Variants in INTS6 observed in about 807,000 individuals in gnomAD.
The protein encoded by INTS6 is integrator complex subunit 6, also known as DEAD box protein.
A neutral mutation model predicts 104.9 loss-of-function variants in INTS6; 16 were observed. The ratio of observed to expected loss-of-function variants is 0.15; its 90% confidence interval spans 0.10 to 0.23. INTS6 has a LOEUF of 0.23. Among genes scored for constraint, INTS6 ranks in the 10% least tolerant of loss-of-function variants. INTS6 has a pLI of 1.00. For synonymous variants in INTS6, 324 were observed against 358.7 expected (o/e 0.90, Z 1.09); for missense variants, 584 against 1,062.8 (o/e 0.55, Z 6.26).
chr13:51,444,284 T>A (rs983886833), intron 3 of INTS6: 4 of 118,872 alleles, frequency 3.4e-5, no homozygotes, highest in African/African-American at 1.4e-4. Flanking sequence ...TTTTTTTTTT[T>A]AGTAGAGATG....
intron 4 of INTS6, among the ~76,000 whole-genome samples, chr13:51,415,190 T>TA (rs1956765630): frequency 6.6e-6 from 1 of 152,170 alleles, no homozygotes; most frequent in African/African-American, 2.4e-5. Context: ...AAAAATTCTT[T>TA]AAAAATCTCT....
At chr13:51,350,959 T>C (rs563142925), downstream of INTS6, among the ~76,000 whole-genome samples, 11 of 152,314 alleles carry the variant, frequency 7.2e-5, no homozygotes, top group Non-Finnish European at 1.6e-4. Flanking sequence ...AGGTTCATAG[T>C]AGCATGAATC....
chr13:51,436,090 T>C (rs1270233081), intron 3 of INTS6, among the ~76,000 whole-genome samples: 1 of 152,082 alleles, frequency 6.6e-6, no homozygotes, highest in Non-Finnish European at 1.5e-5. Context: ...TCTTAAGACA[T>C]TAACCCTTGT....
At chr13:51,341,430 C>T in the INTS6 span, 3 of 1,271,952 alleles carry the variant, frequency 2.4e-6, no homozygotes, top group Non-Finnish European at 2.2e-6. Context: ...TGCTCACACT[C>T]ACACTCACTC....
chr13:51,435,556 T>C (rs886303593), intron 3 of INTS6, among the ~76,000 whole-genome samples: 13 of 152,040 alleles, frequency 8.6e-5, no homozygotes, highest in African/African-American at 2.9e-4. Context: ...TTATCTATTA[T>C]AACCTATGTT....
chr13:51,376,334 T>A (rs1955930655), intron 12 of INTS6, among the ~76,000 whole-genome samples, 160 bp from the exon 13 acceptor site: 1 of 152,166 alleles, frequency 6.6e-6, no homozygotes, highest in Non-Finnish European at 1.5e-5. Context: ...ATGTACCGGT[T>A]CAGGGCCAAA....
intron 3 of INTS6, among the ~76,000 whole-genome samples, chr13:51,436,134 G>A (rs986981120): frequency 2.0e-5 from 3 of 152,020 alleles, no homozygotes; most frequent in Admixed American, 2.0e-4. Context: ...GATCTCTGAA[G>A]GATACGTTAG....
Position 51,389,450 on chromosome 13 carries a change from AT to A in INTS6, c.614-7del. The stretch of plus-strand genomic sequence containing the variant: ...ACACACAGAATATGAACGGCCTGAG[AT>A]TAAAAAAAAGAAGAAGAAGAAGAAG... On this transcript the variant is annotated splice_region_variant and splice_polypyrimidine_tract_variant and intron_variant, in intron 5 of 17. Transcript: ENST00000311234. 1 of 1,588,306 alleles carries A rather than the reference AT, an allele frequency of 6.3e-7. No individual in the cohort carries two copies. Among genetic ancestry groups the A allele is most frequent in the South Asian group, 1.2e-5 (1 of 85,448 alleles).
At chr13:51,406,344 GAACTT>G (rs1400864290) in intron 4 of INTS6, among the ~76,000 whole-genome samples, 1 of 152,018 alleles carries the variant, frequency 6.6e-6, no homozygotes, top group Non-Finnish European at 1.5e-5. Context: ...GTTCAAAACT[GAACTT>G]AAGATTTTCC....
In INTS6 at chr13:51,415,174, T is replaced by TA. The variant is rs199947020; in HGVS notation, c.429+15119dup. Among the ~76,000 whole-genome samples, 103 of 149,728 alleles carry TA rather than the reference T, an allele frequency of 6.9e-4. 2 individuals are homozygous for TA. Among genetic ancestry groups the TA allele is most frequent in the Admixed American group, 4.3e-3 (64 of 15,008 alleles). On this transcript the variant is annotated intron_variant, in intron 4 of 17. Coordinates refer to ENST00000311234, the MANE Select transcript of INTS6 (RefSeq NM_012141.3). ...ACTAAATGGCACAGAACCGTTCACT[T>TA]AAAAAAAAAATTCTTTAAAAATCTC...
At chr13:51,395,156 A>G (rs1381530584) in intron 5 of INTS6, 144 bp downstream of exon 5, 1 of 685,340 alleles carries the variant, frequency 1.5e-6, no homozygotes, top group Non-Finnish European at 2.3e-6. Flanking sequence ...TTAGCAATAA[A>G]TGTACTATTA....
intron 9 of INTS6, 33 bp downstream of exon 9, chr13:51,383,296 T>C: frequency 1.3e-6 from 2 of 1,564,628 alleles, no homozygotes; most frequent in Non-Finnish European, 1.7e-6. Flanking sequence ...TTTTATATGC[T>C]AAGCCAAGGA....
At position 51,374,126 on chromosome 13, in the gene INTS6, T is replaced by A; in HGVS notation, c.2104+82A>T. 5 of 1,124,066 alleles carry A rather than the reference T, an allele frequency of 4.4e-6. 1 individual carries two copies. The highest frequency in any genetic ancestry group is 5.2e-6 in the Non-Finnish European group (4 of 763,060). The allele number at this position is 1,124,066 out of a possible 1,614,324, so 69.6% of individuals were successfully genotyped here. A position where few individuals can be genotyped will look rare whatever the true frequency, so the allele number is the denominator to read the frequency against. ...TCATTGTACTACTAATCAATTTCCTTCTATAATCTATAACAAAAATATCTT... is the reference window on the plus strand; with the variant it reads ...TCATTGTACTACTAATCAATTTCCTACTATAATCTATAACAAAAATATCTT... On this transcript the variant is annotated intron_variant, in intron 15 of 17. Transcript: ENST00000311234.
At chr13:51,411,188 G>A (rs976303738) in intron 4 of INTS6, among the ~76,000 whole-genome samples, 5 of 151,638 alleles carry the variant, frequency 3.3e-5, no homozygotes, top group South Asian at 2.1e-4. Context: ...ACTCCAGCCC[G>A]GGTGACAGAG....
intron 5 of INTS6, among the ~76,000 whole-genome samples, chr13:51,390,966 T>C (rs1956236587): frequency 1.3e-5 from 2 of 152,124 alleles, no homozygotes; most frequent in African/African-American, 4.8e-5. Flanking sequence ...CAAGTTAGTA[T>C]AGTGATAGAG....
At chr13:51,366,447 C>A (rs1174951862) in intron 17 of INTS6, among the ~76,000 whole-genome samples, 1 of 151,904 alleles carries the variant, frequency 6.6e-6, no homozygotes, top group Non-Finnish European at 1.5e-5. Flanking sequence ...CAAATATGGA[C>A]AGACTAAAAT....
At chr13:51,449,998 A>G in intron 3 of INTS6, 1 of 985,354 alleles carries the variant, frequency 1.0e-6, no homozygotes, top group Non-Finnish European at 1.2e-6. Flanking sequence ...TAAGAAGCTT[A>G]AAATTTCCTA....
chr13:51,389,145 C>T lies in INTS6; in HGVS notation c.739+174G>A, dbSNP rs867438373. ...AATACAAAAAGGTGATGCTACTAGACTACTATTAGTTTACCTTGACTTTCC... is the reference window on the plus strand; with the variant it reads ...AATACAAAAAGGTGATGCTACTAGATTACTATTAGTTTACCTTGACTTTCC... On this transcript the variant is annotated intron_variant, in intron 6 of 17. Transcript: ENST00000311234. Among the ~76,000 whole-genome samples, 6 of 152,284 alleles carry T rather than the reference C, an allele frequency of 3.9e-5. 2 individuals carry two copies. The Middle Eastern group carries it at 0.02, about 518-fold the overall frequency.
At chr13:51,389,836 T>G (rs1485140567) in intron 5 of INTS6, among the ~76,000 whole-genome samples, 1 of 152,120 alleles carries the variant, frequency 6.6e-6, no homozygotes, top group Non-Finnish European at 1.5e-5. Context: ...CACACACATC[T>G]AGTAACTGTC....
Sources: allele counts gnomAD v4.1 joint callset (sites outside exome capture counted in the v4.1 genomes callset), GRCh38; gene constraint gnomAD v4.1.1; transcripts MANE v1.5; gene names NCBI Gene and HGNC (gene_info 2026-07-23, HGNC 2026-07-21).